Variants in NEURL1B observed in about 807,000 individuals in gnomAD.
NEURL1B encodes neuralized E3 ubiquitin protein ligase 1B, also known as E3 ubiquitin-protein ligase NEURL1B.
Under a neutral mutation model 37.4 loss-of-function variants are expected in NEURL1B, and 13 were observed. The observed-to-expected ratio is 0.35, with a 90% CI of 0.23 to 0.55. The LOEUF (loss-of-function observed/expected upper bound fraction) is 0.55. Among genes scored for constraint, NEURL1B ranks in the 20% least tolerant of loss-of-function variants. The pLI is 0.89. For synonymous variants in NEURL1B, 432 were observed against 426.6 expected (o/e 1.01, Z -0.16); for missense variants, 790 against 879.2 (o/e 0.90, Z 1.28).
intron 2 of NEURL1B, among the ~76,000 whole-genome samples, chr5:172,679,925 T>A (rs1252229363): frequency 6.6e-6 from 1 of 151,902 alleles, no homozygotes; most frequent in Non-Finnish European, 1.5e-5. Context: ...AGCCTCAGAG[T>A]TCCCCCACTG....
Position 172,670,059 on chromosome 5 carries a change from C to T in NEURL1B, c.306C>T (p.Thr102=). 1.3e-6 allele frequency: 2 copies of T among 1,520,058 alleles called. No individual in the cohort carries two copies. The highest frequency in any genetic ancestry group is 2.6e-5 in the East Asian group (1 of 38,972). 94.2% of individuals were successfully genotyped at this position (1,520,058 alleles called of 1,614,324 possible). Residue 102 remains threonine, a synonymous_variant, in exon 2 of 5, where the codon ACC becomes ACT. Transcript: ENST00000369800. The part of the protein sequence containing the change: ...GWSGALRFGF[T]AHDPSLMSAQ... ...GCGGCGCGCTGCGCTTCGGCTTCACCGCGCACGATCCGTCGCTCATGAGCG... is the reference window on the plus strand; with the variant it reads ...GCGGCGCGCTGCGCTTCGGCTTCACTGCGCACGATCCGTCGCTCATGAGCG...
At position 172,689,369 on chromosome 5, in the gene NEURL1B, T is replaced by C. The variant is rs1357496386; in HGVS notation, c.*2444T>C. 6.6e-6 allele frequency: 1 copy of C among 152,206 alleles called. No homozygotes were observed. Among genetic ancestry groups the C allele is most frequent in the African/African-American group, 2.4e-5 (1 of 41,444 alleles). 9.4% of individuals were successfully genotyped at this position (152,206 alleles called of 1,614,324 possible). ...TTGGCACTGGGCTAGAGAGGCACCT[T>C]CCTGCGTGAATCCTGTGCGGCAGGT... On this transcript the variant is annotated 3_prime_UTR_variant, in exon 5 of 5. Transcript: ENST00000369800.
At chr5:172,643,398 G>T (rs1457762361) in intron 1 of NEURL1B, among the ~76,000 whole-genome samples, 1 of 152,212 alleles carries the variant, frequency 6.6e-6, no homozygotes, top group African/African-American at 2.4e-5. Context: ...CCCATGCATG[G>T]ATTGTCCTTT....
chr5:172,644,009 A>G (rs556064585), intron 1 of NEURL1B, among the ~76,000 whole-genome samples: 1 of 150,430 alleles, frequency 6.6e-6, no homozygotes, highest in South Asian at 2.1e-4. Flanking sequence ...CCCCAACCCC[A>G]CTCACTCCTT....
rs112220693 is a variant in NEURL1B at position 172,670,460 on chromosome 5, G to A, written c.577+130G>A. Reference sequence around the variant, plus strand: ...CCAGGCGTGGCACTAAGCGCTTTACGCCTTTTAACTAATTTATTTCTCACA... The same window carrying A: ...CCAGGCGTGGCACTAAGCGCTTTACACCTTTTAACTAATTTATTTCTCACA... On this transcript the variant is annotated intron_variant, in intron 2 of 4. Coordinates refer to ENST00000369800, the MANE Select transcript of NEURL1B (RefSeq NM_001142651.3). The A allele has an allele frequency of 2.7e-3, 1,829 of 681,716 alleles. 23 individuals are homozygous for A. The African/African-American group carries it at 0.031, about 11-fold the overall frequency. 42.2% of individuals were successfully genotyped at this position (681,716 alleles called of 1,614,324 possible).
At chr5:172,660,314 AC>A (rs1025711500) in intron 1 of NEURL1B, among the ~76,000 whole-genome samples, 50 of 152,100 alleles carry the variant, frequency 3.3e-4, no homozygotes, top group Admixed American at 9.2e-4. Context: ...GGATGACCTC[AC>A]CCCCTGGGAA....
In NEURL1B at chr5:172,653,642, C is replaced by T. The variant is rs868377905; in HGVS notation, c.31+12205C>T. On this transcript the variant is annotated intron_variant, in intron 1 of 4. Transcript: ENST00000369800. ...TTTAACGTTTTAAAACTTGCTTAAACCTTCAAAACAAAAAAAATTTTAACC... is the reference window on the plus strand; with the variant it reads ...TTTAACGTTTTAAAACTTGCTTAAATCTTCAAAACAAAAAAAATTTTAACC... Among the ~76,000 whole-genome samples the T allele has an allele frequency of 5.3e-5, 8 of 152,126 alleles. No homozygotes were observed. The South Asian group carries it at 8.3e-4, about 16-fold the overall frequency.
At chr5:172,684,898 T>G (rs1225619521) in intron 3 of NEURL1B, among the ~76,000 whole-genome samples, 1 of 152,232 alleles carries the variant, frequency 6.6e-6, no homozygotes, top group Non-Finnish European at 1.5e-5. Context: ...CCAGAGAGCC[T>G]GGCTCCAACT....
At chr5:172,663,738 AG>A (rs1757948653) in intron 1 of NEURL1B, among the ~76,000 whole-genome samples, 3 of 151,512 alleles carry the variant, frequency 2.0e-5, no homozygotes, top group Non-Finnish European at 4.4e-5. Context: ...CAAGGCCAGC[AG>A]GGCCTTGGTC....
At chr5:172,679,162 A>T (rs998055706) in intron 2 of NEURL1B, among the ~76,000 whole-genome samples, 2 of 152,252 alleles carry the variant, frequency 1.3e-5, no homozygotes, top group African/African-American at 4.8e-5. Context: ...CAACAGCAGC[A>T]TTGGGAGGCA....
intron 1 of NEURL1B, among the ~76,000 whole-genome samples, chr5:172,652,221 G>A (rs1757678449): frequency 1.3e-5 from 2 of 152,246 alleles, no homozygotes; most frequent in South Asian, 4.1e-4. Context: ...GGATATAGCA[G>A]AGAGAGAGCT....
rs1463282850 is a variant in NEURL1B at position 172,661,875 on chromosome 5, G to A, written c.32-7910G>A. ...AGAGATGAGTGGGGACCATTCAGGG[G>A]ATGGCACAAGGCGCATTTAGGACGC... On this transcript the variant is annotated intron_variant, in intron 1 of 4. Transcript: ENST00000369800. This position sits in a 1 kb window ranked among gnomAD's most constrained non-coding sequence, Gnocchi z 4.0. Among the ~76,000 whole-genome samples the A allele has an allele frequency of 1.3e-5, 2 of 152,246 alleles. No individual in the cohort carries two copies. Among genetic ancestry groups the A allele is most frequent in the African/African-American group, 4.8e-5 (2 of 41,468 alleles).
At chr5:172,684,398 AC>A (rs1758441866) in intron 3 of NEURL1B, among the ~76,000 whole-genome samples, 3 of 151,682 alleles carry the variant, frequency 2.0e-5, no homozygotes, top group African/African-American at 7.3e-5. Context: ...GGAGATGCTG[AC>A]GTTGCGGCTC....
rs1005339608 is a variant in NEURL1B, at chr5:172,690,305, C to T, written c.*3380C>T. On this transcript the variant is annotated 3_prime_UTR_variant, in exon 5 of 5. Transcript: ENST00000369800. ...AGCTGCTCCCCTCACGGCAGCACCA[C>T]GTTTCCAGTCCCTCGATGCCACTAA... 3.9e-5 allele frequency: 6 copies of T among 152,258 alleles called. No homozygotes were observed. The highest frequency in any genetic ancestry group is 2.1e-4 in the South Asian group (1 of 4,832). 9.4% of individuals were successfully genotyped at this position (152,258 alleles called of 1,614,324 possible).
At chr5:172,678,716 C>G (rs956449750) in intron 2 of NEURL1B, among the ~76,000 whole-genome samples, 6 of 152,238 alleles carry the variant, frequency 3.9e-5, no homozygotes, top group African/African-American at 1.4e-4. Context: ...TCCTCTTTTC[C>G]TTGCCTTGGA....
intron 1 of NEURL1B, among the ~76,000 whole-genome samples, chr5:172,660,250 C>T (rs768076889): frequency 1.2e-4 from 18 of 152,314 alleles, no homozygotes; most frequent in Middle Eastern, 3.4e-3. Context: ...GGCAGAGGGT[C>T]GGAGTCAGCT....
At chr5:172,658,778 G>C (rs1310513608) in intron 1 of NEURL1B, among the ~76,000 whole-genome samples, 1 of 152,126 alleles carries the variant, frequency 6.6e-6, no homozygotes, top group Non-Finnish European at 1.5e-5. Context: ...ATCACCGTCA[G>C]GAGGTTCCTG....
chr5:172,685,317 GT>G (rs1009319742), intron 3 of NEURL1B, among the ~76,000 whole-genome samples: 1 of 152,138 alleles, frequency 6.6e-6, no homozygotes, highest in Non-Finnish European at 1.5e-5. Context: ...TGGTCAGAGT[GT>G]TTTTTGGGGA....
Position 172,684,006 on chromosome 5 carries a change from C to T in NEURL1B, c.1165C>T (p.Arg389Trp). The change falls in exon 3 of 5, where the codon CGG (arginine) becomes TGG (tryptophan). Residue 389 changes from arginine to tryptophan, a missense_variant. Around this residue, in one of 3 missense-constraint regions of NEURL1B, gnomAD observed 460 missense variants for 407.4 expected, o/e 1.13. Transcript: ENST00000369800. ...SGGDALSFTLRPGGDVLLGIN... is the reference protein window; with the variant it reads ...SGGDALSFTLWPGGDVLLGIN... ...CGGCGACGCGCTCAGCTTCACGCTG[C>T]GGCCCGGCGGCGACGTGCTCCTGGG... 7.5e-7 allele frequency: 1 copy of T among 1,329,738 alleles called. No homozygotes were observed. Among genetic ancestry groups the T allele is most frequent in the Non-Finnish European group, 9.6e-7 (1 of 1,037,786 alleles). The allele number at this position is 1,329,738 out of a possible 1,614,324, so 82.4% of individuals were successfully genotyped here. A position where few individuals can be genotyped will look rare whatever the true frequency, so the allele number is the denominator to read the frequency against.
Sources: gnomAD v4.1 joint callset for allele counts (sites outside exome capture counted in the v4.1 genomes callset) on GRCh38, gnomAD v4.1.1 for gene constraint, gnomAD v4.1.1 regional missense constraint, Gnocchi (gnomAD v3.1) non-coding constraint, MANE v1.5 for transcripts, NCBI Gene and HGNC (gene_info 2026-07-23, HGNC 2026-07-21) for gene names.